The following EVI5 variants were observed in gnomAD, a reference collection of about 807,000 sequenced individuals.
EVI5 encodes ecotropic viral integration site 5 protein homolog.
A neutral mutation model predicts 112.0 loss-of-function variants in EVI5; 73 were observed. The ratio of observed to expected loss-of-function variants is 0.65; its 90% CI spans 0.54 to 0.79. The LOEUF (loss-of-function observed/expected upper bound fraction) is 0.79. Ranked by LOEUF, EVI5 falls within the 30% of genes least tolerant of loss-of-function variation. The probability of loss-of-function intolerance (pLI) is 0.00; values close to 1 mark genes in which losing one functional copy is unlikely to be tolerated. For missense variants in EVI5, 900 were observed against 968.8 expected, an observed-to-expected ratio of 0.93 and a Z score of 0.94; for synonymous variants, 305 against 319.9, an observed-to-expected ratio of 0.95 and a Z score of 0.50.
chr1:92,571,320 T>C (rs1670295316), intron 18 of EVI5, among the ~76,000 whole-genome samples: 1 of 151,150 alleles, frequency 6.6e-6, no homozygotes, highest in South Asian at 2.1e-4. Context: ...AGCTTATTTG[T>C]CACACATTAG....
At chr1:92,663,499 A>G in intron 11 of EVI5, 47 bp from the exon 12 acceptor site, 1 of 995,020 alleles carries the variant, frequency 1.0e-6, no homozygotes, top group Non-Finnish European at 1.4e-6. Flanking sequence ...AAGAAATAAA[A>G]GTGATAAAAT....
chr1:92,755,158 T>C (rs964635066), intron 1 of EVI5, among the ~76,000 whole-genome samples: 30 of 147,886 alleles, frequency 2.0e-4, no homozygotes, highest in African/African-American at 6.9e-4. Context: ...CCTGAAATCC[T>C]AGCACTTTGA....
intron 19 of EVI5, among the ~76,000 whole-genome samples, chr1:92,545,620 C>G (rs569473585): frequency 5.3e-5 from 8 of 152,032 alleles, no homozygotes; most frequent in African/African-American, 1.9e-4. Context: ...CAATCCCAAA[C>G]GATTTTTAAA....
At chr1:92,631,408 T>C (rs925975311) in intron 14 of EVI5, among the ~76,000 whole-genome samples, 2 of 152,196 alleles carry the variant, frequency 1.3e-5, no homozygotes, top group Admixed American at 6.5e-5. Context: ...CCCTTGTAAG[T>C]TGGATTCCCA....
At chr1:92,610,680 T>C (rs943548428) in intron 16 of EVI5, among the ~76,000 whole-genome samples, 21 of 152,150 alleles carry the variant, frequency 1.4e-4, no homozygotes, top group Non-Finnish European at 2.2e-4. Flanking sequence ...ATGGGTTAGA[T>C]TGGAGATTAG....
intron 2 of EVI5, among the ~76,000 whole-genome samples, chr1:92,735,720 T>TATATA (rs59605834): frequency 1.9e-4 from 27 of 142,336 alleles, no homozygotes; most frequent in South Asian, 4.3e-4. Flanking sequence ...TATTATATTA[T>TATATA]ATATAATATA....
At chr1:92,631,739 G>A (rs542548374) in intron 14 of EVI5, among the ~76,000 whole-genome samples, 2 of 152,266 alleles carry the variant, frequency 1.3e-5, no homozygotes, top group East Asian at 1.9e-4. Flanking sequence ...TGGTGAGAGA[G>A]GGCATCCCTG....
At chr1:92,628,915 G>A (rs1656283540) in intron 14 of EVI5, among the ~76,000 whole-genome samples, 1 of 152,134 alleles carries the variant, frequency 6.6e-6, no homozygotes, top group African/African-American at 2.4e-5. Flanking sequence ...ACTGCTGGAA[G>A]CAGAAAAAAA....
At chr1:92,709,226 T>C (rs1432297254) in intron 2 of EVI5, among the ~76,000 whole-genome samples, 2 of 152,354 alleles carry the variant, frequency 1.3e-5, no homozygotes, top group Middle Eastern at 3.4e-3. Context: ...GGACATTTTC[T>C]AATATGATAG....
At chr1:92,696,418 A>C (rs1670326302) in intron 6 of EVI5, among the ~76,000 whole-genome samples, 1 of 151,812 alleles carries the variant, frequency 6.6e-6, no homozygotes, top group Admixed American at 6.6e-5. Flanking sequence ...GTTCAACACC[A>C]ACCTGGACAA....
At chr1:92,730,558 T>C (rs1337180704) in intron 2 of EVI5, among the ~76,000 whole-genome samples, 1 of 150,054 alleles carries the variant, frequency 6.7e-6, no homozygotes, top group Non-Finnish European at 1.5e-5. Flanking sequence ...GGTGCATGCA[T>C]GTAATTCTAG....
intron 16 of EVI5, among the ~76,000 whole-genome samples, chr1:92,615,043 G>C (rs961765746): frequency 6.6e-6 from 1 of 151,758 alleles, no homozygotes; most frequent in African/African-American, 2.4e-5. Flanking sequence ...GCTTAATACG[G>C]TAAGACCCAA....
intron 1 of EVI5, among the ~76,000 whole-genome samples, chr1:92,758,963 C>T (rs932339755): frequency 1.3e-5 from 2 of 152,106 alleles, no homozygotes; most frequent in Non-Finnish European, 2.9e-5. Flanking sequence ...CTTAGCTGGG[C>T]GCAGTGGCTC....
intron 18 of EVI5, among the ~76,000 whole-genome samples, chr1:92,600,554 T>G (rs1320254221): frequency 6.6e-6 from 1 of 152,212 alleles, no homozygotes; most frequent in Non-Finnish European, 1.5e-5. Flanking sequence ...TTTTTGGTAC[T>G]AGTGACAGAT....
intron 9 of EVI5, among the ~76,000 whole-genome samples, chr1:92,693,036 G>T (rs1669741661): frequency 6.6e-6 from 1 of 152,096 alleles, no homozygotes; most frequent in South Asian, 2.1e-4. Context: ...GCCAAAAAAA[G>T]CTTCATTAGA....
intron 19 of EVI5, among the ~76,000 whole-genome samples, chr1:92,553,018 T>C (rs1667175883): frequency 6.6e-6 from 1 of 152,132 alleles, no homozygotes; most frequent in African/African-American, 2.4e-5. Flanking sequence ...AGGAATTACA[T>C]ACACAGATGC....
chr1:92,780,881 T>C (rs1684775284), intron 1 of EVI5, among the ~76,000 whole-genome samples: 1 of 150,024 alleles, frequency 6.7e-6, no homozygotes, highest in South Asian at 2.1e-4. Flanking sequence ...AGACCGAGTC[T>C]CACTCTGTCG....
chr1:92,521,087 G>A (rs189644930), intron 19 of EVI5, among the ~76,000 whole-genome samples: 3 of 151,384 alleles, frequency 2.0e-5, no homozygotes, highest in Admixed American at 1.3e-4. Flanking sequence ...ACAGCCTTCC[G>A]AGTAGCTGGG....
chr1:92,734,494 G>A (rs188791107), intron 2 of EVI5, among the ~76,000 whole-genome samples: 3 of 151,588 alleles, frequency 2.0e-5, no homozygotes, highest in East Asian at 1.9e-4. Flanking sequence ...TTTTTGAGAC[G>A]GAGTCTCACT....
Sources: gnomAD v4.1 joint callset for allele counts (sites outside exome capture counted in the v4.1 genomes callset) on GRCh38, gnomAD v4.1.1 for gene constraint, MANE v1.5 for transcripts, NCBI Gene and HGNC (gene_info 2026-07-23, HGNC 2026-07-21) for gene names.